RAB7A: variants seen among roughly 807,000 people sequenced by gnomAD.
RAB7A encodes the protein RAB7A, member RAS oncogene family, also known as ras-related protein Rab-7a.
In RAB7A, 2 loss-of-function variants were observed where a neutral mutation model predicts 24.5. The observed-to-expected ratio is 0.08, with a 90% CI of 0.03 to 0.26. RAB7A has a LOEUF of 0.26. Among genes scored for constraint, RAB7A ranks in the 10% least tolerant of loss-of-function variants. The pLI is 1.00. For missense variants in RAB7A, 118 were observed against 255.7 expected (o/e 0.46, Z 3.67); for synonymous variants, 100 against 95.9 (o/e 1.04, Z -0.25).
chr3:128,764,459 C>T (rs1318866929), intron 1 of RAB7A: 1 of 763,938 alleles, frequency 1.3e-6, no homozygotes, highest in East Asian at 2.4e-5. Flanking sequence ...GGAAATTAGC[C>T]TGAGGCTTAG....
At position 128,813,445 on chromosome 3, in the gene RAB7A, A is replaced by G. The variant is rs765587347; in HGVS notation, c.*23A>G. On this transcript the variant is annotated 3_prime_UTR_variant, in exon 6 of 6. Transcript: ENST00000265062. Reference sequence around the variant, plus strand: ...TGAGGGGGCAGTGAGAGTTGAGCACAGAGTCCTTCACAAACCAAGAACACA... The same window carrying G: ...TGAGGGGGCAGTGAGAGTTGAGCACGGAGTCCTTCACAAACCAAGAACACA... 1 of 1,604,928 alleles carries G rather than the reference A, an allele frequency of 6.2e-7. No individual in the cohort carries two copies. The highest frequency in any genetic ancestry group is 8.5e-7 in the Non-Finnish European group (1 of 1,172,016).
intron 1 of RAB7A, among the ~76,000 whole-genome samples, chr3:128,741,799 T>TA (rs1343392987): frequency 6.6e-6 from 1 of 152,230 alleles, no homozygotes; most frequent in Non-Finnish European, 1.5e-5. Flanking sequence ...CACGCATACA[T>TA]ATACATACAC....
At chr3:128,807,090 G>A (rs1056756879) in intron 4 of RAB7A, among the ~76,000 whole-genome samples, 7 of 152,186 alleles carry the variant, frequency 4.6e-5, no homozygotes, top group African/African-American at 1.7e-4. Flanking sequence ...CTGAAAATGG[G>A]CTAGGGGTTG....
In RAB7A at chr3:128,740,675, C is replaced by T. The variant is rs368238178; in HGVS notation, c.-9+14316C>T. Among the ~76,000 whole-genome samples, 18 of 151,006 alleles carry T rather than the reference C, an allele frequency of 1.2e-4. No individual in the cohort carries two copies. In the East Asian group the frequency reaches 3.3e-3, roughly 28 times the overall value. The stretch of plus-strand genomic sequence containing the variant: ...TTTTAGGAGGCCAAGGTGGGAGGAT[C>T]GGTTGAGCCCAGGAGTTCAAGACCA... On this transcript the variant is annotated intron_variant, in intron 1 of 5. Transcript: ENST00000265062.
intron 1 of RAB7A, among the ~76,000 whole-genome samples, chr3:128,776,586 A>G (rs1209848934): frequency 1.3e-5 from 2 of 152,138 alleles, no homozygotes; most frequent in East Asian, 1.9e-4. Context: ...TGCCTGACCA[A>G]CTACGTTTTC....
At chr3:128,794,991 A>G (rs1219926538) in intron 1 of RAB7A, among the ~76,000 whole-genome samples, 1 of 152,132 alleles carries the variant, frequency 6.6e-6, no homozygotes, top group African/African-American at 2.4e-5. Flanking sequence ...TAAAGCGGTC[A>G]CTTCTTTGAG....
At chr3:128,809,554 TC>T in intron 5 of RAB7A, among the ~76,000 whole-genome samples, 1 of 152,388 alleles carries the variant, frequency 6.6e-6, no homozygotes, top group Non-Finnish European at 1.5e-5. Flanking sequence ...AAGTGACTTT[TC>T]CAACTCTGTG....
intron 3 of RAB7A, among the ~76,000 whole-genome samples, chr3:128,800,159 G>A (rs1178106516): frequency 3.3e-5 from 5 of 152,128 alleles, no homozygotes; most frequent in South Asian, 2.1e-4. Flanking sequence ...GTAGAAGACC[G>A]AAAAGCAAAA....
chr3:128,813,528 T>C lies in RAB7A; in HGVS notation c.*106T>C, dbSNP rs917001891. ...TCCAAACAAAACATACATTGATCTCTCACATCCAGCTGCCAAAAGAAAACC... is the reference window on the plus strand; with the variant it reads ...TCCAAACAAAACATACATTGATCTCCCACATCCAGCTGCCAAAAGAAAACC... On this transcript the variant is annotated 3_prime_UTR_variant, in exon 6 of 6. Coordinates refer to ENST00000265062, the MANE Select transcript of RAB7A (RefSeq NM_004637.6). The C allele has an allele frequency of 1.8e-6, 2 of 1,091,602 alleles. No individual in the cohort carries two copies. Among genetic ancestry groups the C allele is most frequent in the African/African-American group, 3.1e-5 (2 of 64,618 alleles). The allele number at this position is 1,091,602 out of a possible 1,614,324, so 67.6% of individuals were successfully genotyped here.
chr3:128,757,956 G>T (rs139142268), intron 1 of RAB7A, among the ~76,000 whole-genome samples: 1 of 151,822 alleles, frequency 6.6e-6, no homozygotes, highest in Admixed American at 6.6e-5. Context: ...ACTGCGCCCA[G>T]CCTATTTTAT....
chr3:128,782,248 C>CT (rs1252054679), intron 1 of RAB7A, among the ~76,000 whole-genome samples: 1 of 152,152 alleles, frequency 6.6e-6, no homozygotes, highest in African/African-American at 2.4e-5. Flanking sequence ...ACATGACTAG[C>CT]TATGGAGCCT....
chr3:128,735,316 A>G (rs2070480462), intron 1 of RAB7A, among the ~76,000 whole-genome samples: 1 of 152,012 alleles, frequency 6.6e-6, no homozygotes, highest in Non-Finnish European at 1.5e-5. Flanking sequence ...AGTAGCTCTA[A>G]TTTGGGAATG....
chr3:128,752,906 T>C (rs1390390795), intron 1 of RAB7A, among the ~76,000 whole-genome samples: 1 of 152,150 alleles, frequency 6.6e-6, no homozygotes, highest in African/African-American at 2.4e-5. Context: ...ACTCAAAATA[T>C]TCAATACCTT....
intron 1 of RAB7A, among the ~76,000 whole-genome samples, chr3:128,776,981 CACACA>C (rs770174155): frequency 7.3e-5 from 11 of 150,090 alleles, no homozygotes; most frequent in East Asian, 1.9e-4. Flanking sequence ...CACACACACA[CACACA>C]CCCCTATTAG....
intron 1 of RAB7A, among the ~76,000 whole-genome samples, chr3:128,731,419 A>G (rs995601606): frequency 2.0e-5 from 3 of 152,248 alleles, no homozygotes; most frequent in African/African-American, 7.2e-5. Context: ...TCTGACCTGC[A>G]CCATGTTAAT....
chr3:128,732,108 C>T (rs1488276555), intron 1 of RAB7A, among the ~76,000 whole-genome samples: 1 of 148,806 alleles, frequency 6.7e-6, no homozygotes, highest in African/African-American at 2.5e-5. Flanking sequence ...AGCATGATCT[C>T]GGCTCACTGC....
chr3:128,753,365 G>C (rs1268937145), intron 1 of RAB7A, among the ~76,000 whole-genome samples: 1 of 147,304 alleles, frequency 6.8e-6, no homozygotes, highest in Admixed American at 6.8e-5. Context: ...AGAGGATGAA[G>C]GGGGGGGAAA....
chr3:128,804,140 G>A (rs959607385), intron 3 of RAB7A, among the ~76,000 whole-genome samples: 8 of 146,592 alleles, frequency 5.5e-5, no homozygotes, highest in African/African-American at 2.1e-4. Context: ...AGCATGTGCA[G>A]TTAGACTTCA....
chr3:128,773,975 C>G (rs1184338597), intron 1 of RAB7A, among the ~76,000 whole-genome samples: 2 of 149,990 alleles, frequency 1.3e-5, no homozygotes, highest in African/African-American at 2.5e-5. Flanking sequence ...CCTAGGAAAA[C>G]CGGAGACCTT....
Sources: gnomAD v4.1 joint callset for allele counts (sites outside exome capture counted in the v4.1 genomes callset) on GRCh38, gnomAD v4.1.1 for gene constraint, MANE v1.5 for transcripts, NCBI Gene and HGNC (gene_info 2026-07-23, HGNC 2026-07-21) for gene names.